SLC10A7: variants seen among roughly 807,000 people sequenced by gnomAD.
SLC10A7 encodes sodium/bile acid cotransporter 7.
SLC10A7 carries 29 observed loss-of-function variants against 43.2 expected under a neutral mutation model. The ratio of observed to expected loss-of-function variants is 0.67; its 90% confidence interval spans 0.50 to 0.92. SLC10A7 has a LOEUF of 0.92. SLC10A7 is among the 40% of genes least tolerant of loss of function. SLC10A7 has a pLI of 0.00. For synonymous variants in SLC10A7, 152 were observed against 144.8 expected, an observed-to-expected ratio of 1.05 and a Z score of -0.35; for missense variants, 295 against 403.2, an observed-to-expected ratio of 0.73 and a Z score of 2.30.
intron 5 of SLC10A7, among the ~76,000 whole-genome samples, chr4:146,398,104 T>G (rs2256112): frequency 0.011 from 1,617 of 152,322 alleles, 21 homozygotes; most frequent in African/African-American, 0.036. Context: ...CGTCTTGACA[T>G]TTCTGAAAAT....
intron 5 of SLC10A7, among the ~76,000 whole-genome samples, chr4:146,397,864 G>A (rs1394673547): frequency 6.6e-6 from 1 of 152,152 alleles, no homozygotes; most frequent in African/African-American, 2.4e-5. Flanking sequence ...TACAAAACAA[G>A]AGTGGAAACT....
At chr4:146,415,520 G>A (rs919310855) in intron 5 of SLC10A7, among the ~76,000 whole-genome samples, 1 of 152,104 alleles carries the variant, frequency 6.6e-6, no homozygotes, top group African/African-American at 2.4e-5. Flanking sequence ...GGGAATGGAG[G>A]CACAATAAAG....
intron 5 of SLC10A7, among the ~76,000 whole-genome samples, chr4:146,425,122 A>AGATC (rs1367575630): frequency 6.6e-6 from 1 of 152,238 alleles, no homozygotes; most frequent in Non-Finnish European, 1.5e-5. Flanking sequence ...TCTTAACAAC[A>AGATC]GATCCCTGAC....
rs1252138163 is a variant in SLC10A7, at chr4:146,256,291, CT to C, written c.*199del. 8.4e-6 allele frequency: 5 copies of C among 593,346 alleles called. No individual in the cohort carries two copies. The highest frequency in any genetic ancestry group is 1.2e-5 in the Non-Finnish European group (4 of 335,512). 36.8% of individuals were successfully genotyped at this position (593,346 alleles called of 1,614,324 possible). Reference sequence around the variant, plus strand: ...TTAACCCCCAAATATTGTACCACCCCTGGCAGTAATCAACAAAGCATATTTT... The same window carrying C: ...TTAACCCCCAAATATTGTACCACCCCGGCAGTAATCAACAAAGCATATTTT... On this transcript the variant is annotated 3_prime_UTR_variant, in exon 12 of 12. Transcript: ENST00000335472.
chr4:146,484,514 TAGAG>T (rs1472155422), intron 4 of SLC10A7, among the ~76,000 whole-genome samples: 15 of 151,664 alleles, frequency 9.9e-5, no homozygotes, highest in South Asian at 2.1e-4. Context: ...AAGTCAAACA[TAGAG>T]AGATAGAGAA....
intron 5 of SLC10A7, among the ~76,000 whole-genome samples, chr4:146,436,208 G>T (rs1730200275): frequency 6.6e-6 from 1 of 152,060 alleles, no homozygotes; most frequent in East Asian, 1.9e-4. Flanking sequence ...CACAAGTCCT[G>T]CCAGACAGCA....
intron 2 of SLC10A7, among the ~76,000 whole-genome samples, chr4:146,515,739 A>T (rs1737890534): frequency 6.6e-6 from 1 of 151,590 alleles, no homozygotes; most frequent in African/African-American, 2.4e-5. Context: ...GTGAAACCCC[A>T]CCTCTATTAA....
chr4:146,471,134 T>G (rs565829186), intron 4 of SLC10A7, among the ~76,000 whole-genome samples: 144 of 152,346 alleles, frequency 9.5e-4, no homozygotes, highest in African/African-American at 3.4e-3. Context: ...TACTTACTGG[T>G]TGAGCATCTC....
At chr4:146,290,987 G>A (rs1206968742) in intron 9 of SLC10A7, among the ~76,000 whole-genome samples, 4 of 152,180 alleles carry the variant, frequency 2.6e-5, no homozygotes, top group South Asian at 2.1e-4. Context: ...AGTCTACTCC[G>A]TGCCATAAAT....
intron 9 of SLC10A7, among the ~76,000 whole-genome samples, chr4:146,286,024 G>A (rs1251833396): frequency 5.3e-5 from 8 of 150,082 alleles, no homozygotes; most frequent in African/African-American, 2.0e-4. Flanking sequence ...GTTTGGAGTG[G>A]TGAGAAGGAC....
rs552924191 is a variant in SLC10A7, at chr4:146,511,319, CTAAAA to C, written c.184-1275_184-1271del. On this transcript the variant is annotated intron_variant, in intron 2 of 11. Coordinates refer to ENST00000335472, the MANE Select transcript of SLC10A7 (RefSeq NM_001029998.6). ...GTTGAAATAAAAACAAAATGGAAAACTAAAATAAAACTGGAAAGTGCTAGAAAAAC... is the reference window on the plus strand; with the variant it reads ...GTTGAAATAAAAACAAAATGGAAAACTAAAACTGGAAAGTGCTAGAAAAAC... Among the ~76,000 whole-genome samples the C allele has an allele frequency of 1.5e-3, 226 of 152,136 alleles. 1 individual carries two copies. The highest frequency in any genetic ancestry group is 2.9e-3 in the Admixed American group (45 of 15,288).
chr4:146,321,625 T>A (rs532463636), intron 6 of SLC10A7, among the ~76,000 whole-genome samples: 1 of 152,194 alleles, frequency 6.6e-6, no homozygotes, highest in East Asian at 1.9e-4. Flanking sequence ...TTTTAAGAGA[T>A]GGGGTCTCTG....
intron 5 of SLC10A7, among the ~76,000 whole-genome samples, chr4:146,361,001 T>C (rs1255829559): frequency 1.3e-5 from 2 of 152,078 alleles, no homozygotes; most frequent in African/African-American, 4.8e-5. Flanking sequence ...TATTTTCTGC[T>C]CTCTACTCCC....
At chr4:146,445,889 T>TTC (rs1560914798) in intron 4 of SLC10A7, among the ~76,000 whole-genome samples, 1 of 98,428 alleles carries the variant, frequency 1.0e-5, no homozygotes, top group East Asian at 4.0e-4. Context: ...CTCTTCTCTC[T>TTC]TCTGTGTGTG....
chr4:146,476,294 C>T (rs1265955774), intron 4 of SLC10A7, among the ~76,000 whole-genome samples: 1 of 152,108 alleles, frequency 6.6e-6, no homozygotes, highest in Non-Finnish European at 1.5e-5. Context: ...AGATACGCTG[C>T]ACAAAGAGAT....
At chr4:146,266,515 C>A (rs1252733551) in intron 10 of SLC10A7, among the ~76,000 whole-genome samples, 1 of 152,024 alleles carries the variant, frequency 6.6e-6, no homozygotes, top group Non-Finnish European at 1.5e-5. Context: ...AAACTCACAG[C>A]CACTGATTTA....
intron 5 of SLC10A7, among the ~76,000 whole-genome samples, chr4:146,364,870 T>TA (rs1185006603): frequency 7.9e-5 from 12 of 151,438 alleles, no homozygotes; most frequent in South Asian, 4.2e-4. Flanking sequence ...TGTATGCTTG[T>TA]AAAAAAAAAT....
intron 4 of SLC10A7, among the ~76,000 whole-genome samples, chr4:146,482,003 T>A (rs1486081660): frequency 6.6e-6 from 1 of 152,212 alleles, no homozygotes; most frequent in East Asian, 1.9e-4. Context: ...TCATTACTAA[T>A]ACTGATCACA....
At chr4:146,317,376 C>A (rs1732399774) in intron 6 of SLC10A7, among the ~76,000 whole-genome samples, 1 of 151,960 alleles carries the variant, frequency 6.6e-6, no homozygotes, top group Non-Finnish European at 1.5e-5. Flanking sequence ...AGATAAAGTC[C>A]CTGCTCTCTT....
Sources: allele counts gnomAD v4.1 joint callset (sites outside exome capture counted in the v4.1 genomes callset), GRCh38; gene constraint gnomAD v4.1.1; transcripts MANE v1.5; gene names NCBI Gene and HGNC (gene_info 2026-07-23, HGNC 2026-07-21).